FRK: variants seen among roughly 807,000 people sequenced by gnomAD.
FRK encodes fyn related Src family tyrosine kinase.
In FRK, 51 loss-of-function variants were observed where a neutral mutation model predicts 56.4. The observed-to-expected ratio is 0.90, with a 90% CI of 0.72 to 1.14. The LOEUF (loss-of-function observed/expected upper bound fraction) is 1.14. FRK is among the 50% of genes most tolerant of loss of function. The pLI is 0.00. For synonymous variants in FRK, 245 were observed against 217.9 expected (o/e 1.12, Z -1.10); for missense variants, 570 against 601.4 (o/e 0.95, Z 0.55).
the FRK span, among the ~76,000 whole-genome samples, chr6:116,083,713 A>C: frequency 1.3e-5 from 2 of 152,196 alleles, no homozygotes. Flanking sequence ...ACCACAAGAT[A>C]AGAACCACTG....
chr6:115,994,338 C>CCTT (rs1554230544), intron 2 of FRK, among the ~76,000 whole-genome samples: 21 of 91,752 alleles, frequency 2.3e-4, no homozygotes, highest in East Asian at 8.4e-4. Context: ...CCCCCCCCGC[C>CCTT]TTTTTTTTGT....
intron 1 of FRK, among the ~76,000 whole-genome samples, chr6:116,023,401 C>A (rs1480785974): frequency 6.6e-6 from 1 of 152,074 alleles, no homozygotes; most frequent in East Asian, 1.9e-4. Flanking sequence ...TGTTCATCAA[C>A]AACAGAATGG....
intron 4 of FRK, among the ~76,000 whole-genome samples, chr6:115,962,235 G>A (rs1248569616): frequency 7.4e-6 from 1 of 134,484 alleles, no homozygotes; most frequent in South Asian, 2.7e-4. Flanking sequence ...AAAAAGGCAG[G>A]GGTTGCAATC....
At chr6:115,945,642 C>T (rs1461387493) in intron 5 of FRK, among the ~76,000 whole-genome samples, 1 of 152,064 alleles carries the variant, frequency 6.6e-6, no homozygotes, top group East Asian at 1.9e-4. Context: ...AATTCTCATT[C>T]TTCCATCATG....
At chr6:115,970,011 G>A (rs892545154) in intron 2 of FRK, among the ~76,000 whole-genome samples, 3 of 152,100 alleles carry the variant, frequency 2.0e-5, no homozygotes, top group African/African-American at 7.2e-5. Context: ...TGCATTCCTT[G>A]CTAAATATAT....
intron 1 of FRK, among the ~76,000 whole-genome samples, chr6:116,012,431 A>G (rs933652250): frequency 3.9e-5 from 6 of 152,188 alleles, no homozygotes; most frequent in African/African-American, 1.4e-4. Context: ...CAGAATTCCT[A>G]CAGTATTCAG....
chr6:115,956,376 G>A (rs912997237), intron 5 of FRK, 76 bp downstream of exon 5: 45 of 1,102,114 alleles, frequency 4.1e-5, no homozygotes, highest in Non-Finnish European at 5.5e-5. Flanking sequence ...GTTACAGAAG[G>A]CTTGCTAAAT....
intron 1 of FRK, among the ~76,000 whole-genome samples, chr6:116,054,151 T>C (rs566100058): frequency 6.6e-6 from 1 of 151,460 alleles, no homozygotes; most frequent in Admixed American, 6.6e-5. Context: ...TATATTAACA[T>C]GAAGTCAAAT....
chr6:115,992,301 T>C (rs2114665156), intron 2 of FRK, among the ~76,000 whole-genome samples: 1 of 151,836 alleles, frequency 6.6e-6, no homozygotes, highest in Non-Finnish European at 1.5e-5. Context: ...TATAAATCCC[T>C]TCAAAAGAAG....
At chr6:115,953,629 C>G (rs547429187) in intron 5 of FRK, among the ~76,000 whole-genome samples, 22 of 152,306 alleles carry the variant, frequency 1.4e-4, no homozygotes, top group African/African-American at 5.1e-4. Flanking sequence ...AATGGCCTAA[C>G]CCTGAAGCTG....
the FRK span, among the ~76,000 whole-genome samples, chr6:116,093,049 G>A: frequency 0.18 from 27,159 of 152,042 alleles, 2,907 homozygotes; most frequent in African/African-American, 0.29. Flanking sequence ...GAAGGCAAAC[G>A]GAGTGAAATA....
intron 1 of FRK, among the ~76,000 whole-genome samples, chr6:116,017,418 C>T (rs1168459881): frequency 1.3e-5 from 2 of 152,184 alleles, no homozygotes; most frequent in African/African-American, 4.8e-5. Context: ...TTCTGTACCT[C>T]TTTTCAATTT....
the FRK span, among the ~76,000 whole-genome samples, chr6:116,067,866 C>G: frequency 6.6e-6 from 1 of 152,176 alleles, no homozygotes; most frequent in Non-Finnish European, 1.5e-5. Context: ...TTAATGGAAA[C>G]TTTTTCAGGC....
At chr6:115,970,002 G>A (rs528815890) in intron 2 of FRK, among the ~76,000 whole-genome samples, 2 of 152,274 alleles carry the variant, frequency 1.3e-5, no homozygotes, top group Admixed American at 6.5e-5. Flanking sequence ...ATGCTATTCT[G>A]CATTCCTTGC....
intron 1 of FRK, among the ~76,000 whole-genome samples, chr6:116,014,582 T>C (rs918158004): frequency 3.3e-5 from 5 of 149,968 alleles, no homozygotes; most frequent in African/African-American, 9.8e-5. Flanking sequence ...CCAAGAAATA[T>C]GGGCCTTTGA....
intron 2 of FRK, among the ~76,000 whole-genome samples, chr6:115,991,052 T>C (rs79997015): frequency 0.035 from 5,326 of 151,862 alleles, 90 homozygotes; most frequent in African/African-American, 0.043. Context: ...AAGACTGAGT[T>C]CTTGATTGGT....
intron 1 of FRK, among the ~76,000 whole-genome samples, chr6:116,056,018 G>T (rs1000823228): frequency 2.6e-5 from 4 of 152,112 alleles, no homozygotes; most frequent in African/African-American, 9.7e-5. Flanking sequence ...GGTCAAGTTG[G>T]CGAAGCAGAA....
At position 115,968,558 on chromosome 6, in the gene FRK, G is replaced by T. The variant is rs778975090; in HGVS notation, c.630+18C>A. 2.5e-6 allele frequency: 4 copies of T among 1,601,260 alleles called. No individual in the cohort carries two copies. The African/African-American group carries it at 5.4e-5, about 22-fold the overall frequency. On this transcript the variant is annotated intron_variant, in intron 3 of 7. Coordinates refer to ENST00000606080, the MANE Select transcript of FRK (RefSeq NM_002031.3). Reference sequence around the variant, plus strand: ...AAGTTAACTTCAATAAAAAAACACAGCTTGAAAGCATTTTCACCTTTAAGC... The same window carrying T: ...AAGTTAACTTCAATAAAAAAACACATCTTGAAAGCATTTTCACCTTTAAGC...
the FRK span, among the ~76,000 whole-genome samples, chr6:116,080,879 T>C: frequency 1.3e-5 from 2 of 152,108 alleles, no homozygotes; most frequent in African/African-American, 2.4e-5. Context: ...TGTGAGAAAA[T>C]AGATGTTGTA....
Sources: allele counts gnomAD v4.1 joint callset (sites outside exome capture counted in the v4.1 genomes callset), GRCh38; gene constraint gnomAD v4.1.1; transcripts MANE v1.5; gene names NCBI Gene and HGNC (gene_info 2026-07-23, HGNC 2026-07-21).